Variants in RAB7A observed in about 807,000 individuals in gnomAD.
The protein encoded by RAB7A is ras-related protein Rab-7a.
Under a neutral mutation model 24.5 loss-of-function variants are expected in RAB7A, and 2 were observed. That is an observed-to-expected ratio of 0.08 (90% CI 0.03 to 0.26). RAB7A has a LOEUF of 0.26. Among genes scored for constraint, RAB7A ranks in the 10% least tolerant of loss-of-function variants. The pLI is 1.00. For synonymous variants in RAB7A, 100 were observed against 95.9 expected (o/e 1.04, Z -0.25); for missense variants, 118 against 255.7 (o/e 0.46, Z 3.67).
At chr3:128,737,069 C>T (rs2070496497) in intron 1 of RAB7A, among the ~76,000 whole-genome samples, 1 of 151,944 alleles carries the variant, frequency 6.6e-6, no homozygotes, top group African/African-American at 2.4e-5. Context: ...ATGAAGTCTC[C>T]CTCTGTCACC....
At chr3:128,809,142 T>C (rs1172926678) in intron 5 of RAB7A, among the ~76,000 whole-genome samples, 1 of 152,244 alleles carries the variant, frequency 6.6e-6, no homozygotes, top group African/African-American at 2.4e-5. Context: ...CATCACTGTC[T>C]GAGTTTTTCT....
intron 1 of RAB7A, among the ~76,000 whole-genome samples, chr3:128,772,664 T>C (rs1371713121): frequency 1.3e-5 from 2 of 152,254 alleles, no homozygotes; most frequent in Non-Finnish European, 2.9e-5. Context: ...GTTGGACTTG[T>C]GGTGGTTGTC....
chr3:128,756,516 A>G (rs938155020), intron 1 of RAB7A, among the ~76,000 whole-genome samples: 2 of 152,250 alleles, frequency 1.3e-5, no homozygotes, highest in Non-Finnish European at 2.9e-5. Context: ...TAAAGACTTT[A>G]ATAAATGGAA....
At chr3:128,759,668 A>G (rs1036859683) in intron 1 of RAB7A, among the ~76,000 whole-genome samples, 13 of 151,896 alleles carry the variant, frequency 8.6e-5, no homozygotes, top group Admixed American at 6.6e-5. Flanking sequence ...CTGAACCTCA[A>G]GTAAGCTCTG....
At chr3:128,800,760 G>A (rs548425521) in intron 3 of RAB7A, among the ~76,000 whole-genome samples, 2 of 152,252 alleles carry the variant, frequency 1.3e-5, no homozygotes, top group African/African-American at 4.8e-5. Flanking sequence ...TAACCCTCCT[G>A]AATGAAAGAG....
At position 128,807,303 on chromosome 3, in the gene RAB7A, G is replaced by A. The variant is rs190006420; in HGVS notation, c.400-240G>A. 2.0e-4 allele frequency among the ~76,000 whole-genome samples: 30 copies of A among 152,328 alleles called. No individual in the cohort carries two copies. In the East Asian group the frequency reaches 5.8e-3, roughly 29 times the overall value. On this transcript the variant is annotated intron_variant, in intron 4 of 5. Transcript: ENST00000265062. The stretch of plus-strand genomic sequence containing the variant: ...TTTAAGTATAACTGAGGGTCAGAAG[G>A]TATGAGCTGTAGACCGAGACAGGCT...
At chr3:128,793,229 G>A (rs944925262) in intron 1 of RAB7A, among the ~76,000 whole-genome samples, 2 of 152,106 alleles carry the variant, frequency 1.3e-5, no homozygotes, top group Admixed American at 1.3e-4. Context: ...CACCGTGTTA[G>A]CCAGGCTGGT....
At chr3:128,757,934 C>T (rs2070743308) in intron 1 of RAB7A, among the ~76,000 whole-genome samples, 1 of 152,048 alleles carries the variant, frequency 6.6e-6, no homozygotes, top group South Asian at 2.1e-4. Context: ...GCTGGAGTTA[C>T]ACTTGTGAGC....
chr3:128,764,434 GC>G (rs1440821551), intron 1 of RAB7A: 40 of 746,346 alleles, frequency 5.4e-5, no homozygotes, highest in Non-Finnish European at 8.6e-5. Context: ...CAGGGAATTC[GC>G]CCCATGGCTA....
chr3:128,801,308 C>T (rs866005187), intron 3 of RAB7A, among the ~76,000 whole-genome samples: 4 of 152,164 alleles, frequency 2.6e-5, no homozygotes, highest in African/African-American at 9.7e-5. Context: ...CAAAATAGCA[C>T]ATTTCATCTC....
At chr3:128,810,713 C>T (rs1172952300) in intron 5 of RAB7A, among the ~76,000 whole-genome samples, 2 of 152,340 alleles carry the variant, frequency 1.3e-5, no homozygotes, top group East Asian at 1.9e-4. Flanking sequence ...CCAAATACAG[C>T]CACCTGAAGG....
At chr3:128,783,388 C>T (rs1434735526) in intron 1 of RAB7A, among the ~76,000 whole-genome samples, 2 of 152,034 alleles carry the variant, frequency 1.3e-5, no homozygotes, top group Non-Finnish European at 2.9e-5. Flanking sequence ...AGGCTCTCAA[C>T]ACTGCCTAGA....
intron 1 of RAB7A, among the ~76,000 whole-genome samples, chr3:128,780,204 A>G (rs773985686): frequency 6.6e-5 from 10 of 152,242 alleles, no homozygotes; most frequent in Non-Finnish European, 1.3e-4. Context: ...ACACAATTTT[A>G]TGACCCTGAT....
intron 1 of RAB7A, among the ~76,000 whole-genome samples, chr3:128,787,271 T>C (rs528809318): frequency 3.0e-4 from 45 of 152,384 alleles, no homozygotes; most frequent in Non-Finnish European, 5.6e-4. Context: ...TTAACTGTCA[T>C]GGCTTTGTTG....
intron 5 of RAB7A, among the ~76,000 whole-genome samples, chr3:128,808,629 C>G (rs1465658291): frequency 6.6e-6 from 1 of 152,100 alleles, no homozygotes; most frequent in African/African-American, 2.4e-5. Flanking sequence ...ACCACTCATG[C>G]GAGTTGAAAG....
chr3:128,760,627 A>G (rs1254582151), intron 1 of RAB7A, among the ~76,000 whole-genome samples: 1 of 152,192 alleles, frequency 6.6e-6, no homozygotes, highest in Non-Finnish European at 1.5e-5. Flanking sequence ...TTGATTGTCA[A>G]GCCTTTGTGT....
In RAB7A at chr3:128,806,924, A is replaced by T. The variant is rs1355449734; in HGVS notation, c.399+334A>T. 3.9e-5 allele frequency among the ~76,000 whole-genome samples: 6 copies of T among 152,332 alleles called. No individual in the cohort carries two copies. The South Asian group carries it at 1.0e-3, about 26-fold the overall frequency. ...ACCTCCAGGCCATGCCTGGATCTCC[A>T]TGTGTGCAGAATATTGCTTTGGGCT... On this transcript the variant is annotated intron_variant, in intron 4 of 5. Transcript: ENST00000265062.
At chr3:128,759,380 C>T (rs888368757) in intron 1 of RAB7A, among the ~76,000 whole-genome samples, 2 of 152,128 alleles carry the variant, frequency 1.3e-5, no homozygotes, top group Non-Finnish European at 1.5e-5. Flanking sequence ...ATTGCCATCT[C>T]GGATCAGTTT....
At chr3:128,762,161 A>C (rs112782967) in intron 1 of RAB7A, among the ~76,000 whole-genome samples, 163 of 152,348 alleles carry the variant, frequency 1.1e-3, no homozygotes, top group Non-Finnish European at 2.1e-3. Context: ...TTGTGCTAAT[A>C]AATTTGAAAA....
Sources: allele counts gnomAD v4.1 joint callset (sites outside exome capture counted in the v4.1 genomes callset), GRCh38; gene constraint gnomAD v4.1.1; transcripts MANE v1.5; gene names NCBI Gene and HGNC (gene_info 2026-07-23, HGNC 2026-07-21).